The following KIR3DL1 variants were observed in gnomAD, a reference collection of about 807,000 sequenced individuals.
The protein encoded by KIR3DL1 is killer cell immunoglobulin-like receptor 3DL1.
Under a neutral mutation model 40.3 loss-of-function variants are expected in KIR3DL1, and 50 were observed. That is an observed-to-expected ratio of 1.24 (90% CI 0.99 to 1.57). The LOEUF (loss-of-function observed/expected upper bound fraction) is 1.57, where lower values mean the gene tolerates loss of function less well. Ranked by LOEUF, KIR3DL1 falls within the 40% of genes most tolerant of loss-of-function variation. The probability of loss-of-function intolerance (pLI) is 0.00; values close to 1 mark genes in which losing one functional copy is unlikely to be tolerated. For missense variants in KIR3DL1, 661 were observed against 559.9 expected, an observed-to-expected ratio of 1.18 and a Z score of -1.82; for synonymous variants, 257 against 207.2, an observed-to-expected ratio of 1.24 and a Z score of -2.07.
chr19:54,824,796 C>A (rs1351041125), intron 5 of KIR3DL1, among the ~76,000 whole-genome samples: 6 of 149,888 alleles, frequency 4.0e-5, no homozygotes, highest in South Asian at 2.1e-4. Flanking sequence ...CTTACTACAG[C>A]TCTGTAACAT....
intron 3 of KIR3DL1, among the ~76,000 whole-genome samples, chr19:54,819,386 A>G (rs894163475): frequency 4.5e-4 from 54 of 119,632 alleles, no homozygotes; most frequent in African/African-American, 1.3e-3. Flanking sequence ...TCAGGCTGCT[A>G]AGAGCCTGGA....
At chr19:54,820,106 T>A in intron 4 of KIR3DL1, 94 bp downstream of exon 4, 1 of 1,337,096 alleles carries the variant, frequency 7.5e-7, no homozygotes, top group Non-Finnish European at 1.0e-6. Context: ...GGAAGATAAG[T>A]GTGGGATTCT....
In KIR3DL1 at chr19:54,825,342, G is replaced by A. The variant is rs1413215452; in HGVS notation, c.1000+264G>A. Among the ~76,000 whole-genome samples, 38 of 150,906 alleles carry A rather than the reference G, an allele frequency of 2.5e-4. 2 individuals carry two copies. The highest frequency in any genetic ancestry group is 5.9e-4 in the Admixed American group (9 of 15,194). ...ATCTGACATCCTTCTCAGGAAACAT[G>A]CAGTGTTTTTTCTTCCTGCATTCCT... On this transcript the variant is annotated intron_variant, in intron 6 of 8. Coordinates refer to ENST00000391728, the Ensembl canonical transcript of KIR3DL1.
exon 3 of KIR3DL1, chr19:54,818,341 G>C: frequency 6.2e-7 from 1 of 1,603,924 alleles, no homozygotes; most frequent in Admixed American, 1.7e-5. Context: ...CTTCCTGTCT[G>C]CCTGGCCCAG....
At chr19:54,820,531 C>A (rs1289485359) in intron 4 of KIR3DL1, among the ~76,000 whole-genome samples, 1 of 151,336 alleles carries the variant, frequency 6.6e-6, no homozygotes, top group Non-Finnish European at 1.5e-5. Context: ...GAACACCAAC[C>A]CCTGTATGCT....
chr19:54,823,862 G>T (rs1485985146), intron 5 of KIR3DL1, among the ~76,000 whole-genome samples: 1 of 151,550 alleles, frequency 6.6e-6, no homozygotes, highest in Non-Finnish European at 1.5e-5. Context: ...GAGTGATGCC[G>T]AGTACTTTTT....
intron 6 of KIR3DL1, among the ~76,000 whole-genome samples, chr19:54,826,686 A>T (rs1354113518): frequency 4.6e-4 from 68 of 146,546 alleles, no homozygotes; most frequent in African/African-American, 8.7e-4. Context: ...GGTCTCACTA[A>T]TCAGATATTT....
intron 5 of KIR3DL1, among the ~76,000 whole-genome samples, chr19:54,822,175 G>T (rs1178975956): frequency 6.6e-6 from 1 of 151,248 alleles, no homozygotes; most frequent in East Asian, 1.9e-4. Context: ...CCATTTCCCA[G>T]AAGCCCATCA....
chr19:54,828,404 G>A (rs904331425), intron 6 of KIR3DL1, among the ~76,000 whole-genome samples: 2 of 151,096 alleles, frequency 1.3e-5, no homozygotes, highest in East Asian at 1.9e-4. Context: ...ATCACTCACC[G>A]TCACTCCAGG....
In KIR3DL1 at chr19:54,817,465, C is replaced by T. The variant is rs1297603917; in HGVS notation, c.35-69C>T. 2.7e-5 allele frequency: 35 copies of T among 1,291,836 alleles called. 1 individual carries two copies. The highest frequency in any genetic ancestry group is 1.6e-4 in the Admixed American group (9 of 57,244). The allele number at this position is 1,291,836 out of a possible 1,614,324, so 80.0% of individuals were successfully genotyped here. A position where few individuals can be genotyped will look rare whatever the true frequency, so the allele number is the denominator to read the frequency against. On this transcript the variant is annotated intron_variant, in intron 1 of 8. Coordinates refer to ENST00000391728, the Ensembl canonical transcript of KIR3DL1. Reference sequence around the variant, plus strand: ...AGGGCCTGGCTGCCAAGACGCACAGCCCAGTGGGGGCAGCAGGGTGCCCTG... The same window carrying T: ...AGGGCCTGGCTGCCAAGACGCACAGTCCAGTGGGGGCAGCAGGGTGCCCTG...
At chr19:54,828,553 A>AC (rs1368558158) in intron 6 of KIR3DL1, among the ~76,000 whole-genome samples, 2 of 150,964 alleles carry the variant, frequency 1.3e-5, no homozygotes, top group Admixed American at 6.6e-5. Flanking sequence ...ATGTGGAGTC[A>AC]CCCCATTTGC....
At chr19:54,819,609 G>C in intron 3 of KIR3DL1, 104 bp from the exon 4 acceptor site, 1 of 1,342,308 alleles carries the variant, frequency 7.4e-7, no homozygotes, top group Non-Finnish European at 1.0e-6. Context: ...TGCAGAGAGG[G>C]AGGAGAGAGA....
At chr19:54,818,163 A>G (rs1278314787) in intron 2 of KIR3DL1, 152 bp from the exon 3 acceptor site, 1 of 668,502 alleles carries the variant, frequency 1.5e-6, no homozygotes, top group Non-Finnish European at 2.4e-6. Context: ...GGGAGACGCC[A>G]AGTCTATGCA....
intron 6 of KIR3DL1, among the ~76,000 whole-genome samples, chr19:54,827,499 C>T (rs2061965158): frequency 6.6e-6 from 1 of 150,530 alleles, no homozygotes; most frequent in Non-Finnish European, 1.5e-5. Context: ...GTAATCCCAG[C>T]TCCTGCTCTG....
Position 54,829,994 on chromosome 19 carries a change from G to C in KIR3DL1, c.1158+14G>C, listed in dbSNP as rs368743473. On this transcript the variant is annotated intron_variant, in intron 8 of 8. Coordinates refer to ENST00000391728, the Ensembl canonical transcript of KIR3DL1. ...GCCAACAGCGAGGTAGGTGCTCCTCGGCCCAGCCTCGTGGCTAGTGTTATT... is the reference window on the plus strand; with the variant it reads ...GCCAACAGCGAGGTAGGTGCTCCTCCGCCCAGCCTCGTGGCTAGTGTTATT... 9.9e-6 allele frequency: 15 copies of C among 1,515,800 alleles called. 4 individuals carry two copies. In the Middle Eastern group the frequency reaches 7.0e-4, roughly 70 times the overall value. 93.9% of individuals were successfully genotyped at this position (1,515,800 alleles called of 1,614,324 possible).
chr19:54,820,493 G>T (rs1346890678), intron 4 of KIR3DL1, among the ~76,000 whole-genome samples: 1 of 151,534 alleles, frequency 6.6e-6, no homozygotes, highest in East Asian at 1.9e-4. Context: ...GCAATGGAGA[G>T]TAATCATCCC....
At chr19:54,819,642 C>T in intron 3 of KIR3DL1, 71 bp from the exon 4 acceptor site, 1 of 1,520,322 alleles carries the variant, frequency 6.6e-7, no homozygotes. Flanking sequence ...GGGGAACCCT[C>T]ACTCATTCCA....
At chr19:54,822,748 TG>T (rs199626527) in intron 5 of KIR3DL1, among the ~76,000 whole-genome samples, 37,928 of 144,358 alleles carry the variant, frequency 0.26, 5,940 homozygotes, top group Non-Finnish European at 0.31. Flanking sequence ...CTCCTGCATG[TG>T]GGTGAGAAAT....
chr19:54,824,918 G>C, intron 5 of KIR3DL1, 110 bp from the exon 6 acceptor site: 2 of 985,776 alleles, frequency 2.0e-6, no homozygotes, highest in Non-Finnish European at 1.6e-6. Context: ...AGACTCCCAG[G>C]GTCCAACATT....
Sources: gnomAD v4.1 joint callset for allele counts (sites outside exome capture counted in the v4.1 genomes callset) on GRCh38, gnomAD v4.1.1 for gene constraint, MANE v1.5 for transcripts, NCBI Gene and HGNC (gene_info 2026-07-23, HGNC 2026-07-21) for gene names.